Variants in SAFB observed in about 807,000 individuals in gnomAD.
The protein encoded by SAFB is scaffold attachment factor B, also known as scaffold attachment factor B1.
SAFB carries 15 observed loss-of-function variants against 101.6 expected under a neutral mutation model. That is an observed-to-expected ratio of 0.15 (90% CI 0.10 to 0.23). The LOEUF is 0.23. Ranked by LOEUF, SAFB falls within the 10% of genes least tolerant of loss-of-function variation. SAFB has a pLI of 1.00. For missense variants in SAFB, 930 were observed against 1,104.1 expected, an observed-to-expected ratio of 0.84 and a Z score of 2.23; for synonymous variants, 449 against 407.5, an observed-to-expected ratio of 1.10 and a Z score of -1.23.
chr19:5,641,976 G>T (rs924926328), intron 4 of SAFB, 30 bp downstream of exon 4: 1 of 1,552,788 alleles, frequency 6.4e-7, no homozygotes, highest in Admixed American at 1.7e-5. Context: ...TCTAGAATGT[G>T]CCCTGAATGT....
intron 17 of SAFB, chr19:5,666,822 C>T (rs1343554714): frequency 1.6e-6 from 1 of 617,596 alleles, no homozygotes. Flanking sequence ...TTGGAGATGC[C>T]TTGGTACTAG....
Position 5,667,767 on chromosome 19 carries a change from GGTTC to G in SAFB, c.2558-52_2558-49del. On this transcript the variant is annotated intron_variant, in intron 19 of 20. Transcript: ENST00000588852. The surrounding 1 kb of genome is among the most constrained non-coding windows in gnomAD (Gnocchi z 4.0). ...AGTGGAGTGGGCTAAATGTGCCGTG[GGTTC>G]CACGCCGTGTGCGCAAGTTCCCTGT... is the stretch of plus-strand genomic sequence containing the variant. The G allele has an allele frequency of 6.3e-7, 1 of 1,584,570 alleles. No individual in the cohort carries two copies. The highest frequency in any genetic ancestry group is 8.7e-7 in the Non-Finnish European group (1 of 1,154,112).
At chr19:5,647,094 A>C (rs750539932) in intron 5 of SAFB, among the ~76,000 whole-genome samples, 1 of 152,242 alleles carries the variant, frequency 6.6e-6, no homozygotes, top group Non-Finnish European at 1.5e-5. Context: ...GGAATTCCAG[A>C]GGAGTGTACC....
chr19:5,665,199 GAT>G (rs2054301041), intron 17 of SAFB: 2 of 152,190 alleles, frequency 1.3e-5, no homozygotes, highest in Non-Finnish European at 2.9e-5. Context: ...TCTGTCTCGG[GAT>G]CCTCAGGAAT....
At position 5,664,078 on chromosome 19, in the gene SAFB, A is replaced by G. The variant is rs1160525376; in HGVS notation, c.2210A>G (p.His737Arg). Residue 737 changes from histidine to arginine, a missense_variant, in exon 16 of 21, where the codon CAT (histidine) becomes CGT (arginine). Transcript: ENST00000588852. ...AKRAALDERYHSDFNRQDRFH... is the reference protein window; with the variant it reads ...AKRAALDERYRSDFNRQDRFH... ...CGGGCCGCCCTGGATGAGCGCTACC[A>G]TTCTGACTTTAACCGCCAGGACCGC... The G allele has an allele frequency of 6.2e-7, 1 of 1,614,020 alleles. No individual in the cohort carries two copies. The highest frequency in any genetic ancestry group is 2.2e-5 in the East Asian group (1 of 44,874).
chr19:5,638,997 G>C (rs1320638904), intron 2 of SAFB, among the ~76,000 whole-genome samples: 1 of 152,104 alleles, frequency 6.6e-6, no homozygotes, highest in African/African-American at 2.4e-5. Flanking sequence ...AAAGTGGTGG[G>C]ATTATAGGCA....
At chr19:5,657,200 T>G (rs1190181829) in intron 13 of SAFB, 41 bp from the exon 14 acceptor site, 2 of 1,488,186 alleles carry the variant, frequency 1.3e-6, no homozygotes, top group Admixed American at 3.4e-5. Flanking sequence ...CCTCCGTGCC[T>G]GGCCTCTGCT....
At chr19:5,633,025 T>C (rs1412888937) in intron 2 of SAFB, among the ~76,000 whole-genome samples, 1 of 152,244 alleles carries the variant, frequency 6.6e-6, no homozygotes, top group African/African-American at 2.4e-5. Flanking sequence ...ACTGTCTTCC[T>C]TTTCACAGTT....
intron 15 of SAFB, among the ~76,000 whole-genome samples, chr19:5,662,161 A>G (rs919879364): frequency 2.0e-5 from 3 of 152,146 alleles, no homozygotes; most frequent in Non-Finnish European, 2.9e-5. Flanking sequence ...CTGGGATTAC[A>G]GCTGTGAGCC....
chr19:5,640,738 C>T (rs574186574), intron 2 of SAFB, among the ~76,000 whole-genome samples: 2 of 151,746 alleles, frequency 1.3e-5, no homozygotes, highest in African/African-American at 4.8e-5. Context: ...TACTGGCAAC[C>T]GCCACCACAA....
At position 5,649,032 on chromosome 19, in the gene SAFB, TGAGCCA is replaced by T; in HGVS notation, c.683_688del (p.Glu228_Pro229del). 1 of 502,296 alleles carries T rather than the reference TGAGCCA, an allele frequency of 2.0e-6. No homozygotes were observed. The highest frequency in any genetic ancestry group is 3.5e-6 in the Non-Finnish European group (1 of 288,362). The allele number at this position is 502,296 out of a possible 1,614,324, so 31.1% of individuals were successfully genotyped here. A position where few individuals can be genotyped will look rare whatever the true frequency, so the allele number is the denominator to read the frequency against. On this transcript the variant is annotated inframe_deletion, in exon 7 of 21. Transcript: ENST00000588852. The stretch of plus-strand genomic sequence containing the variant: ...ACATTTTGGGGGAAACTTGTAAATC[TGAGCCA>T]GTAAAAGAAGAAAGTTCCGAGCTGG...
intron 4 of SAFB, chr19:5,642,162 C>T (rs1453929521): frequency 4.9e-6 from 3 of 607,696 alleles, no homozygotes; most frequent in African/African-American, 3.6e-5. Flanking sequence ...TTGCGGCATA[C>T]AGTATGAGAC....
At chr19:5,641,261 A>G (rs1236589764) in intron 2 of SAFB, among the ~76,000 whole-genome samples, 2 of 152,222 alleles carry the variant, frequency 1.3e-5, no homozygotes, top group African/African-American at 2.4e-5. Flanking sequence ...AAGGCAGCAC[A>G]TTTGCAACAA....
rs748058607 is a variant in SAFB at position 5,653,286 on chromosome 19, A to G, written c.1443+22A>G. The G allele has an allele frequency of 2.5e-6, 4 of 1,614,154 alleles. No individual in the cohort carries two copies. In the South Asian group the frequency reaches 3.3e-5, roughly 13 times the overall value. Reference sequence around the variant, plus strand: ...GAAAGTGAGTGGCCGTTTTCTTCCCAGGATATAGCCCACATTAGGAAATGG... The same window carrying G: ...GAAAGTGAGTGGCCGTTTTCTTCCCGGGATATAGCCCACATTAGGAAATGG... On this transcript the variant is annotated intron_variant, in intron 10 of 20. Transcript: ENST00000588852.
chr19:5,642,970 G>A (rs1467536142), intron 4 of SAFB, among the ~76,000 whole-genome samples: 1 of 151,954 alleles, frequency 6.6e-6, no homozygotes, highest in Non-Finnish European at 1.5e-5. Context: ...CCCAGCATGT[G>A]CCCTTTAATT....
At chr19:5,656,982 A>G (rs1355825799) in intron 13 of SAFB, among the ~76,000 whole-genome samples, 4 of 151,960 alleles carry the variant, frequency 2.6e-5, no homozygotes, top group African/African-American at 4.8e-5. Flanking sequence ...CGTGTTAGCC[A>G]AGATGGTCTC....
At chr19:5,657,618 G>A (rs1255277343) in intron 14 of SAFB, among the ~76,000 whole-genome samples, 2 of 151,864 alleles carry the variant, frequency 1.3e-5, no homozygotes. Flanking sequence ...TGCAACCTCC[G>A]CCTCCAAGCA....
At chr19:5,637,130 G>A (rs1301434063) in intron 2 of SAFB, among the ~76,000 whole-genome samples, 1 of 150,644 alleles carries the variant, frequency 6.6e-6, no homozygotes, top group Non-Finnish European at 1.5e-5. Context: ...GGATCACGAG[G>A]TCAGGAGATC....
chr19:5,668,349 A>G lies in SAFB; in HGVS notation c.*58A>G. ...ACAAGGCTATGTTCTGTTAGGAGTT[A>G]CCTTAAACTGTGTAAAAATATTTTT... On this transcript the variant is annotated 3_prime_UTR_variant, in exon 21 of 21. Coordinates refer to ENST00000588852, the MANE Select transcript of SAFB (RefSeq NM_001201338.2). 1 of 1,539,586 alleles carries G rather than the reference A, an allele frequency of 6.5e-7. No homozygotes were observed.
Sources: allele counts gnomAD v4.1 joint callset (sites outside exome capture counted in the v4.1 genomes callset), GRCh38; gene constraint gnomAD v4.1.1; non-coding constraint Gnocchi (gnomAD v3.1); transcripts MANE v1.5; gene names NCBI Gene and HGNC (gene_info 2026-07-23, HGNC 2026-07-21).